ALK: variants seen among roughly 807,000 people sequenced by gnomAD.
ALK encodes ALK receptor tyrosine kinase.
In ALK, 74 loss-of-function variants were observed where a neutral mutation model predicts 163.1. That is an observed-to-expected ratio of 0.45 (90% CI 0.38 to 0.55). The LOEUF is 0.55. Among genes scored for constraint, ALK ranks in the 20% least tolerant of loss-of-function variants. The probability of loss-of-function intolerance (pLI) is 0.00; values close to 1 mark genes in which losing one functional copy is unlikely to be tolerated. For synonymous variants in ALK, 960 were observed against 843.2 expected (o/e 1.14, Z -2.40); for missense variants, 2,063 against 2,105.3 (o/e 0.98, Z 0.39).
chr2:29,655,889 T>C lies in ALK; in HGVS notation c.952+38961A>G, dbSNP rs370517256. Among the ~76,000 whole-genome samples the C allele has an allele frequency of 5.9e-5, 9 of 152,220 alleles. No individual in the cohort carries two copies. The East Asian group carries it at 9.6e-4, about 16-fold the overall frequency. ...ATACTTCATGCATTTCTCTGCTGAT[T>C]GACATATGGTCATGCTAGCTGGAGA... On this transcript the variant is annotated intron_variant, in intron 3 of 28. Transcript: ENST00000389048.
At chr2:29,731,080 G>A (rs1428215136) in intron 1 of ALK, among the ~76,000 whole-genome samples, 1 of 152,204 alleles carries the variant, frequency 6.6e-6, no homozygotes. Flanking sequence ...TGATCTGAGA[G>A]CGCCTCAGAA....
chr2:29,214,339 G>A (rs778980951), intron 23 of ALK, among the ~76,000 whole-genome samples: 11 of 152,152 alleles, frequency 7.2e-5, no homozygotes, highest in Admixed American at 2.0e-4. Context: ...TGATGCCAGC[G>A]TGCAGCGAAG....
chr2:29,344,158 T>C (rs958576288), intron 5 of ALK, among the ~76,000 whole-genome samples: 1 of 152,208 alleles, frequency 6.6e-6, no homozygotes, highest in Non-Finnish European at 1.5e-5. Flanking sequence ...TCCTGTATAC[T>C]AGGACAGATA....
chr2:29,450,683 T>C (rs1187071793), intron 4 of ALK, among the ~76,000 whole-genome samples: 1 of 152,128 alleles, frequency 6.6e-6, no homozygotes, highest in African/African-American at 2.4e-5. Flanking sequence ...TACTGATTCA[T>C]GGAGGTGAGA....
chr2:29,523,115 C>T (rs977257689), intron 4 of ALK, among the ~76,000 whole-genome samples: 4 of 152,112 alleles, frequency 2.6e-5, no homozygotes, highest in Non-Finnish European at 5.9e-5. Flanking sequence ...GGATAAGGAA[C>T]CCCGGGCAGG....
At chr2:29,275,249 G>A (rs377307180) in intron 10 of ALK, 22 bp from the exon 11 acceptor site, 12 of 1,613,846 alleles carry the variant, frequency 7.4e-6, no homozygotes, top group African/African-American at 2.7e-5. Flanking sequence ...AAGACCCCAC[G>A]GGCTGAGTTA....
At chr2:29,298,621 ACTCTCCCTCGCATACTGACACT>A (rs1257637673) in intron 8 of ALK, among the ~76,000 whole-genome samples, 3 of 151,536 alleles carry the variant, frequency 2.0e-5, no homozygotes, top group African/African-American at 4.9e-5. Flanking sequence ...GGTGTTTCAA[ACTCTCCCTCGCATACTGACACT>A]CTCACCCCCT....
At chr2:29,534,383 G>C (rs1558371978) in intron 3 of ALK, among the ~76,000 whole-genome samples, 1 of 152,220 alleles carries the variant, frequency 6.6e-6, no homozygotes, top group Non-Finnish European at 1.5e-5. Flanking sequence ...TCCAGTACTA[G>C]GGTAGTGTGT....
At chr2:29,221,775 C>T (rs1356610195) in intron 22 of ALK, among the ~76,000 whole-genome samples, 1 of 152,166 alleles carries the variant, frequency 6.6e-6, no homozygotes, top group Admixed American at 6.5e-5. Context: ...GCCATGAGCC[C>T]CCACCTGATC....
intron 8 of ALK, among the ~76,000 whole-genome samples, chr2:29,304,493 T>A (rs1229154372): frequency 1.4e-4 from 18 of 125,430 alleles, no homozygotes; most frequent in Admixed American, 4.9e-4. Context: ...AGACTGTGTC[T>A]AAAAAAAAAA....
chr2:29,544,891 C>A lies in ALK; in HGVS notation c.953-12775G>T, dbSNP rs115792574. Among the ~76,000 whole-genome samples, 5 of 152,156 alleles carry A rather than the reference C, an allele frequency of 3.3e-5. No individual in the cohort carries two copies. In the East Asian group the frequency reaches 9.7e-4, roughly 29 times the overall value. ...TCGCTTGTTGTACTGGGGAGAAAAC[C>A]AAGAAGCAAAGAAGTTCAGGACTTG... On this transcript the variant is annotated intron_variant, in intron 3 of 28. Transcript: ENST00000389048.
rs35228363 is a variant in ALK, at chr2:29,275,101, G to A, written c.2039C>T (p.Thr680Ile). 37,381 of 1,614,040 alleles carry A rather than the reference G, an allele frequency of 0.023. 542 individuals carry two copies. Among genetic ancestry groups the A allele is most frequent in the Non-Finnish European group, 0.028 (33,093 of 1,180,000 alleles). The change falls in exon 11 of 29, where the codon ACA becomes ATA. Residue 680 changes from threonine to isoleucine, a missense_variant and splice_region_variant. Transcript: ENST00000389048. ...SPRQTPIFDPTVHWLFTTCGA... is the reference protein window; with the variant it reads ...SPRQTPIFDPIVHWLFTTCGA... ...ACATTTGTGAGCTGAACCCTTACCT[G>A]TAGGGTCAAAGATGGGGGTCTGTCT...
chr2:29,325,931 T>C (rs1382184321), intron 6 of ALK, among the ~76,000 whole-genome samples: 1 of 152,190 alleles, frequency 6.6e-6, no homozygotes, highest in Non-Finnish European at 1.5e-5. Flanking sequence ...ATTAGTGTGA[T>C]GGGGAACACA....
chr2:29,824,516 G>T lies in ALK; in HGVS notation c.667+95477C>A, dbSNP rs567695626. The stretch of plus-strand genomic sequence containing the variant: ...CCTGCAAAGCCACTGAGGCAGAGCT[G>T]TCCGAGGCTGTGGGAGCCCACCTCT... On this transcript the variant is annotated intron_variant, in intron 1 of 28. Transcript: ENST00000389048. Among the ~76,000 whole-genome samples, 98 of 152,366 alleles carry T rather than the reference G, an allele frequency of 6.4e-4. 1 individual carries two copies. Among genetic ancestry groups the T allele is most frequent in the African/African-American group, 2.2e-3 (92 of 41,596 alleles).
At chr2:29,868,782 G>C (rs1003528653) in intron 1 of ALK, among the ~76,000 whole-genome samples, 2 of 152,164 alleles carry the variant, frequency 1.3e-5, no homozygotes, top group Non-Finnish European at 2.9e-5. Flanking sequence ...CAGGAGGTGG[G>C]GTTGATGTTC....
intron 23 of ALK, among the ~76,000 whole-genome samples, chr2:29,215,368 TAGAC>T (rs1047052087): frequency 1.2e-4 from 18 of 152,112 alleles, no homozygotes; most frequent in Non-Finnish European, 2.4e-4. Flanking sequence ...CTGGAGGAGG[TAGAC>T]AGAGTCTTGC....
chr2:29,798,115 C>A (rs1038785184), intron 1 of ALK, among the ~76,000 whole-genome samples: 1 of 152,208 alleles, frequency 6.6e-6, no homozygotes, highest in Non-Finnish European at 1.5e-5. Context: ...TTCCTCACAC[C>A]TGCCAGTGTC....
chr2:29,704,704 G>C (rs910779852), intron 2 of ALK, among the ~76,000 whole-genome samples: 1 of 152,196 alleles, frequency 6.6e-6, no homozygotes, highest in African/African-American at 2.4e-5. Flanking sequence ...CTTTTTGATG[G>C]TTGCTGGAAG....
chr2:29,411,166 T>C (rs1669715935), intron 4 of ALK, among the ~76,000 whole-genome samples: 1 of 152,212 alleles, frequency 6.6e-6, no homozygotes, highest in African/African-American at 2.4e-5. Flanking sequence ...CTACACATGG[T>C]CAGGATCATC....
Sources: gnomAD v4.1 joint callset for allele counts (sites outside exome capture counted in the v4.1 genomes callset) on GRCh38, gnomAD v4.1.1 for gene constraint, MANE v1.5 for transcripts, NCBI Gene and HGNC (gene_info 2026-07-23, HGNC 2026-07-21) for gene names.